Variants in RNF145 observed in about 807,000 individuals in gnomAD.
RNF145 encodes the protein ring finger protein 145.
Under a neutral mutation model 57.3 loss-of-function variants are expected in RNF145, and 12 were observed. The ratio of observed to expected loss-of-function variants is 0.21; its 90% CI spans 0.13 to 0.34. The LOEUF (loss-of-function observed/expected upper bound fraction) is 0.34, where lower values mean the gene tolerates loss of function less well. RNF145 is among the 10% of genes least tolerant of loss of function. The pLI, the probability that RNF145 is intolerant of heterozygous loss-of-function variation, is 1.00. For synonymous variants in RNF145, 262 were observed against 288.3 expected (o/e 0.91, Z 0.92); for missense variants, 429 against 799.0 (o/e 0.54, Z 5.58).
intron 5 of RNF145, among the ~76,000 whole-genome samples, chr5:159,176,028 CTT>C (rs1784709364): frequency 6.6e-6 from 1 of 152,074 alleles, no homozygotes; most frequent in Non-Finnish European, 1.5e-5. Context: ...AGGGAAGAAA[CTT>C]TTACAAAAAG....
chr5:159,185,462 T>C (rs980536989), intron 3 of RNF145, among the ~76,000 whole-genome samples: 1 of 152,236 alleles, frequency 6.6e-6, no homozygotes, highest in Non-Finnish European at 1.5e-5. Context: ...TATCTCATGC[T>C]GGCATTGAGA....
intron 3 of RNF145, among the ~76,000 whole-genome samples, chr5:159,188,439 AC>A (rs1785166108): frequency 6.6e-6 from 1 of 151,994 alleles, no homozygotes; most frequent in Non-Finnish European, 1.5e-5. Flanking sequence ...TTTAGAAAAA[AC>A]ATCCATCTGT....
Position 159,162,974 on chromosome 5 carries a change from C to A in RNF145, c.1227G>T (p.Trp409Cys). ...TGCTGCTGGAAATAATGATAAGAAG[C>A]CAAAAATCCATGTGGAAAAACTGGC... is the stretch of plus-strand genomic sequence containing the variant. Reference protein sequence around the residue: ...MICQFFHMDFWLLIIISSSIL... With the variant: ...MICQFFHMDFCLLIIISSSIL... Residue 409 changes from tryptophan (W) to cysteine (C), a missense_variant, in exon 9 of 11, where the codon TGG becomes TGT. Coordinates refer to ENST00000424310, the MANE Select transcript of RNF145 (RefSeq NM_001199383.2). 6.2e-7 allele frequency: 1 copy of A among 1,612,750 alleles called. No individual in the cohort carries two copies. Among genetic ancestry groups the A allele is most frequent in the Non-Finnish European group, 8.5e-7 (1 of 1,179,604 alleles).
rs756065554 is a variant in RNF145, at chr5:159,158,662, C to T, written c.*8G>A. 8 of 1,610,284 alleles carry T rather than the reference C, an allele frequency of 5.0e-6. No homozygotes were observed. Among genetic ancestry groups the T allele is most frequent in the South Asian group, 3.3e-5 (3 of 90,902 alleles). ...GAGTATCAAAGCATCATTCCTGCTGCTTCTCCTCTAGGCTGATTCAACAGG... is the reference window on the plus strand; with the variant it reads ...GAGTATCAAAGCATCATTCCTGCTGTTTCTCCTCTAGGCTGATTCAACAGG... On this transcript the variant is annotated 3_prime_UTR_variant, in exon 11 of 11. Coordinates refer to ENST00000424310, the MANE Select transcript of RNF145 (RefSeq NM_001199383.2).
At chr5:159,207,789 T>C in intron 1 of RNF145, 1 of 1,614,152 alleles carries the variant, frequency 6.2e-7, no homozygotes, top group Non-Finnish European at 8.5e-7. Context: ...AATTCTGTGG[T>C]TTCTCATCAT....
chr5:159,176,611 T>C (rs1784728700), intron 5 of RNF145, 21 bp downstream of exon 5: 2 of 1,303,894 alleles, frequency 1.5e-6, no homozygotes, highest in African/African-American at 1.5e-5. Flanking sequence ...TCTACCTGTT[T>C]GTGGTTGTCA....
intron 10 of RNF145, among the ~76,000 whole-genome samples, chr5:159,159,585 G>A (rs989611569): frequency 6.6e-6 from 1 of 152,182 alleles, no homozygotes; most frequent in Non-Finnish European, 1.5e-5. Flanking sequence ...ATAAGCCAGT[G>A]TTTCTCAACT....
intron 2 of RNF145, among the ~76,000 whole-genome samples, chr5:159,198,141 C>T (rs1250119215): frequency 6.6e-6 from 1 of 151,974 alleles, no homozygotes; most frequent in Non-Finnish European, 1.5e-5. Context: ...ACTGAGGAGG[C>T]TGAGGTGGGA....
chr5:159,199,957 C>T (rs2113229711), intron 2 of RNF145, among the ~76,000 whole-genome samples: 1 of 152,158 alleles, frequency 6.6e-6, no homozygotes, highest in South Asian at 2.1e-4. Context: ...AATTTTTAAG[C>T]TCCTTAATTA....
At chr5:159,164,203 G>C (rs528334991) in intron 8 of RNF145, among the ~76,000 whole-genome samples, 1 of 152,040 alleles carries the variant, frequency 6.6e-6, no homozygotes, top group African/African-American at 2.4e-5. Flanking sequence ...GCATACTTTG[G>C]AAAGTGTTTT....
chr5:159,168,599 T>C (rs1251552781), intron 8 of RNF145, among the ~76,000 whole-genome samples: 1 of 152,186 alleles, frequency 6.6e-6, no homozygotes, highest in African/African-American at 2.4e-5. Context: ...TAAAAAGTAT[T>C]AACTTCATCT....
chr5:159,172,051 C>T (rs1326876979), intron 6 of RNF145, among the ~76,000 whole-genome samples: 1 of 152,218 alleles, frequency 6.6e-6, no homozygotes, highest in Non-Finnish European at 1.5e-5. Flanking sequence ...GCCTACTGCA[C>T]TATGCTATAC....
chr5:159,207,336 C>T, intron 1 of RNF145: 1 of 559,746 alleles, frequency 1.8e-6, no homozygotes, highest in South Asian at 2.6e-5. Flanking sequence ...TATTTGAGTT[C>T]TTCAAAAATA....
rs1487602083 is a variant in RNF145 at position 159,161,631 on chromosome 5, A to G, written c.1270-9T>C. 9.2e-7 allele frequency: 1 copy of G among 1,092,302 alleles called. No individual in the cohort carries two copies. The highest frequency in any genetic ancestry group is 1.2e-6 in the Non-Finnish European group (1 of 839,022). The allele number at this position is 1,092,302 out of a possible 1,614,324, so 67.7% of individuals were successfully genotyped here. A position where few individuals can be genotyped will look rare whatever the true frequency, so the allele number is the denominator to read the frequency against. On this transcript the variant is annotated splice_polypyrimidine_tract_variant and intron_variant, in intron 9 of 10. Coordinates refer to ENST00000424310, the MANE Select transcript of RNF145 (RefSeq NM_001199383.2). ...AAAAGTGTTCCCAGAACCTGAAAAA[A>G]AAAAAAAAATGTACGTATCTTGAAA...
intron 2 of RNF145, among the ~76,000 whole-genome samples, chr5:159,201,899 T>C (rs1268240771): frequency 6.6e-6 from 1 of 152,206 alleles, no homozygotes; most frequent in Non-Finnish European, 1.5e-5. Flanking sequence ...TACATTATTT[T>C]ATTAAGGTGA....
Position 159,158,378 on chromosome 5 carries a change from T to TCA in RNF145, c.*290_*291dup. On this transcript the variant is annotated 3_prime_UTR_variant, in exon 11 of 11. Coordinates refer to ENST00000424310, the MANE Select transcript of RNF145 (RefSeq NM_001199383.2). ...TGATTTTATTTCTCTCTCACACGTATCAGGGGCAGTTTCTGAAGTTGCTGA... is the reference window on the plus strand; with the variant it reads ...TGATTTTATTTCTCTCTCACACGTATCACAGGGGCAGTTTCTGAAGTTGCTGA... 1 of 368,172 alleles carries TCA rather than the reference T, an allele frequency of 2.7e-6. No individual in the cohort carries two copies. The highest frequency in any genetic ancestry group is 5.0e-6 in the Non-Finnish European group (1 of 198,204). The allele number at this position is 368,172 out of a possible 1,614,324, so 22.8% of individuals were successfully genotyped here. A position where few individuals can be genotyped will look rare whatever the true frequency, so the allele number is the denominator to read the frequency against.
intron 3 of RNF145, among the ~76,000 whole-genome samples, chr5:159,190,681 C>CAA (rs58247587): frequency 9.2e-5 from 8 of 87,256 alleles, no homozygotes; most frequent in East Asian, 3.3e-4. Flanking sequence ...ACAACCATCT[C>CAA]AAAAAAAAAA....
At chr5:159,195,804 AT>A (rs1180106069) in intron 2 of RNF145, among the ~76,000 whole-genome samples, 1 of 152,240 alleles carries the variant, frequency 6.6e-6, no homozygotes, top group East Asian at 1.9e-4. Context: ...CTGATAACTT[AT>A]TATACAGGCA....
rs772367552 is a variant in RNF145 at position 159,162,913 on chromosome 5, T to C, written c.1269+19A>G. ...AACAAAATTGGTTATTATATAGAGT[T>C]AATTAATCATAGGCTTACCTGAAGA... is the stretch of plus-strand genomic sequence containing the variant. On this transcript the variant is annotated intron_variant, in intron 9 of 10. Transcript: ENST00000424310. The C allele has an allele frequency of 1.3e-6, 2 of 1,572,464 alleles. No homozygotes were observed. The highest frequency in any genetic ancestry group is 1.4e-5 in the African/African-American group (1 of 72,258).
Sources: allele counts gnomAD v4.1 joint callset (sites outside exome capture counted in the v4.1 genomes callset), GRCh38; gene constraint gnomAD v4.1.1; transcripts MANE v1.5; gene names NCBI Gene and HGNC (gene_info 2026-07-23, HGNC 2026-07-21).